Variants in CTNNA3 observed in about 807,000 individuals in gnomAD.
CTNNA3 encodes the protein catenin alpha 3, also known as catenin alpha-3.
In CTNNA3, 76 loss-of-function variants were observed where a neutral mutation model predicts 95.7. That is an observed-to-expected ratio of 0.79 (90% CI 0.66 to 0.96). The LOEUF is 0.96. Among genes scored for constraint, CTNNA3 ranks in the 40% least tolerant of loss-of-function variants. The pLI is 0.00. For missense variants in CTNNA3, 1,191 were observed against 1,089.8 expected (o/e 1.09, Z -1.31); for synonymous variants, 431 against 374.4 (o/e 1.15, Z -1.74).
chr10:67,510,485 T>C (rs1387268697), intron 5 of CTNNA3, among the ~76,000 whole-genome samples: 5 of 151,660 alleles, frequency 3.3e-5, no homozygotes, highest in African/African-American at 1.2e-4. Flanking sequence ...GTCAGGTTTG[T>C]CAAAGATCAG....
At chr10:66,040,612 A>G (rs1017209751) in intron 15 of CTNNA3, among the ~76,000 whole-genome samples, 1 of 152,128 alleles carries the variant, frequency 6.6e-6, no homozygotes, top group African/African-American at 2.4e-5. Context: ...ATCCTTAGCA[A>G]ACTCATTCAG....
At chr10:66,472,296 G>C (rs570790977) in intron 11 of CTNNA3, among the ~76,000 whole-genome samples, 2 of 151,874 alleles carry the variant, frequency 1.3e-5, no homozygotes, top group East Asian at 3.9e-4. Flanking sequence ...GTTGAGATTT[G>C]GGCAGTGTGT....
At chr10:67,114,167 T>C (rs1247596114) in intron 7 of CTNNA3, among the ~76,000 whole-genome samples, 1 of 152,124 alleles carries the variant, frequency 6.6e-6, no homozygotes, top group Non-Finnish European at 1.5e-5. Flanking sequence ...CCAATTATTA[T>C]ATAATTCCTA....
At chr10:67,394,074 AC>A (rs959753608) in intron 5 of CTNNA3, among the ~76,000 whole-genome samples, 19 of 152,148 alleles carry the variant, frequency 1.2e-4, no homozygotes, top group South Asian at 8.3e-4. Flanking sequence ...TAACGATGAG[AC>A]CAGTTGCGGA....
chr10:67,246,705 T>C (rs1346635529), intron 5 of CTNNA3, among the ~76,000 whole-genome samples: 1 of 152,194 alleles, frequency 6.6e-6, no homozygotes, highest in Non-Finnish European at 1.5e-5. Flanking sequence ...CCCAAATTCA[T>C]GGGACACTTA....
At chr10:67,717,513 T>A (rs752773533) in intron 1 of CTNNA3, among the ~76,000 whole-genome samples, 3 of 152,196 alleles carry the variant, frequency 2.0e-5, no homozygotes, top group Non-Finnish European at 4.4e-5. Context: ...AAGGACAAGG[T>A]CCAGTTTCAG....
chr10:66,725,403 T>C (rs902012949), intron 9 of CTNNA3, among the ~76,000 whole-genome samples: 3 of 152,094 alleles, frequency 2.0e-5, no homozygotes, highest in African/African-American at 4.8e-5. Context: ...GGATTGCTGA[T>C]GTGGGGAAGA....
At chr10:67,372,291 A>G (rs1843499386) in intron 5 of CTNNA3, among the ~76,000 whole-genome samples, 1 of 152,120 alleles carries the variant, frequency 6.6e-6, no homozygotes, top group Admixed American at 6.5e-5. Context: ...TTTAGACATG[A>G]AGTCCTTGCC....
chr10:66,339,610 A>G (rs1019458448), intron 12 of CTNNA3, among the ~76,000 whole-genome samples: 12 of 151,866 alleles, frequency 7.9e-5, no homozygotes, highest in African/African-American at 2.7e-4. Context: ...CCTAACCCCC[A>G]AATTCCTTTT....
At chr10:67,702,788 G>A (rs1841051665) in intron 1 of CTNNA3, among the ~76,000 whole-genome samples, 1 of 152,140 alleles carries the variant, frequency 6.6e-6, no homozygotes, top group Non-Finnish European at 1.5e-5. Flanking sequence ...GAGCAGAACT[G>A]AAGGAAATAG....
intron 2 of CTNNA3, among the ~76,000 whole-genome samples, chr10:67,635,719 G>T (rs1055993318): frequency 2.0e-5 from 3 of 152,076 alleles, no homozygotes; most frequent in Non-Finnish European, 4.4e-5. Flanking sequence ...CATACTAAAT[G>T]GGCAAAAGCT....
intron 15 of CTNNA3, among the ~76,000 whole-genome samples, chr10:66,050,024 C>A (rs918028318): frequency 2.6e-4 from 40 of 152,122 alleles, no homozygotes; most frequent in African/African-American, 9.4e-4. Context: ...TATGAATGGC[C>A]AAATTAGTAT....
At chr10:67,005,385 T>C (rs1483299932) in intron 7 of CTNNA3, among the ~76,000 whole-genome samples, 1 of 152,134 alleles carries the variant, frequency 6.6e-6, no homozygotes, top group East Asian at 1.9e-4. Context: ...GCAGACATTC[T>C]CTATCTCAGT....
At chr10:66,365,092 A>G (rs900453835) in intron 12 of CTNNA3, among the ~76,000 whole-genome samples, 26 of 152,156 alleles carry the variant, frequency 1.7e-4, no homozygotes, top group South Asian at 1.0e-3. Flanking sequence ...GAGGGGTATA[A>G]GATATATGTG....
At chr10:66,649,036 A>G (rs376404460) in intron 9 of CTNNA3, among the ~76,000 whole-genome samples, 15 of 152,292 alleles carry the variant, frequency 9.8e-5, no homozygotes, top group African/African-American at 3.6e-4. Context: ...AACACCCACA[A>G]AGTAGATTCA....
At chr10:66,926,947 G>A (rs1847116512) in intron 7 of CTNNA3, 5 of 1,600,508 alleles carry the variant, frequency 3.1e-6, no homozygotes, top group South Asian at 1.1e-5. Context: ...GCTACTGAGC[G>A]GATCAGCTGT....
At chr10:66,314,165 G>A (rs924831261) in intron 12 of CTNNA3, among the ~76,000 whole-genome samples, 116 of 152,136 alleles carry the variant, frequency 7.6e-4, no homozygotes, top group African/African-American at 2.7e-3. Flanking sequence ...TTCTTCCCCG[G>A]GAGCTGCACA....
At position 66,687,084 on chromosome 10, in the gene CTNNA3, C is replaced by T. The variant is rs896066917; in HGVS notation, c.1282-65300G>A. On this transcript the variant is annotated intron_variant, in intron 9 of 17. Transcript: ENST00000433211. The stretch of plus-strand genomic sequence containing the variant: ...CCCAATAAATATGTATTGTTTGGTA[C>T]AATGTAATGAATATAGAATTAAAAG... Among the ~76,000 whole-genome samples, 7 of 151,216 alleles carry T rather than the reference C, an allele frequency of 4.6e-5. No homozygotes were observed. The South Asian group carries it at 1.3e-3, about 27-fold the overall frequency.
chr10:66,532,602 T>C (rs887013943), intron 10 of CTNNA3, among the ~76,000 whole-genome samples: 15 of 152,206 alleles, frequency 9.9e-5, no homozygotes, highest in African/African-American at 3.4e-4. Flanking sequence ...ACTTTCTTAA[T>C]TGTCAAATGA....
Sources: gnomAD v4.1 joint callset for allele counts (sites outside exome capture counted in the v4.1 genomes callset) on GRCh38, gnomAD v4.1.1 for gene constraint, MANE v1.5 for transcripts, NCBI Gene and HGNC (gene_info 2026-07-23, HGNC 2026-07-21) for gene names.